The following WDR64 variants were observed in gnomAD, a reference collection of about 807,000 sequenced individuals.
The protein encoded by WDR64 is WD repeat domain 64.
A neutral mutation model predicts 139.3 loss-of-function variants in WDR64; 112 were observed. The observed-to-expected ratio is 0.80, with a 90% CI of 0.69 to 0.94. The LOEUF (loss-of-function observed/expected upper bound fraction) is 0.94. WDR64 is among the 40% of genes least tolerant of loss of function. WDR64 has a pLI of 0.00. For missense variants in WDR64, 1,206 were observed against 1,293.1 expected, an observed-to-expected ratio of 0.93 and a Z score of 1.03; for synonymous variants, 444 against 437.7, an observed-to-expected ratio of 1.01 and a Z score of -0.18.
intron 15 of WDR64, among the ~76,000 whole-genome samples, chr1:241,759,262 T>G (rs1372923697): frequency 6.6e-6 from 1 of 152,196 alleles, no homozygotes; most frequent in African/African-American, 2.4e-5. Flanking sequence ...GCATGTGGAA[T>G]GTACTGTCAA....
intron 23 of WDR64, among the ~76,000 whole-genome samples, chr1:241,783,953 T>A (rs1658942763): frequency 6.6e-6 from 1 of 152,200 alleles, no homozygotes; most frequent in Non-Finnish European, 1.5e-5. Flanking sequence ...TGTCTTAAAA[T>A]CATGGTAATG....
intron 1 of WDR64, 80 bp from the exon 2 acceptor site, chr1:241,660,450 A>G (rs533889708): frequency 1.2e-5 from 17 of 1,473,570 alleles, no homozygotes; most frequent in Non-Finnish European, 1.6e-5. Context: ...ATACAAGGTG[A>G]GGAAATAAAA....
intron 8 of WDR64, among the ~76,000 whole-genome samples, chr1:241,696,667 G>T (rs1667500782): frequency 6.6e-6 from 1 of 152,116 alleles, no homozygotes. Flanking sequence ...CATGGCACTG[G>T]TGGGAGTGTC....
chr1:241,662,477 G>A (rs549479271), intron 2 of WDR64, among the ~76,000 whole-genome samples: 193 of 152,284 alleles, frequency 1.3e-3, no homozygotes, highest in South Asian at 5.6e-3. Context: ...AGCCCCCACC[G>A]TGTGGCCCTC....
At chr1:241,661,846 T>A (rs1665844535) in intron 2 of WDR64, among the ~76,000 whole-genome samples, 1 of 152,212 alleles carries the variant, frequency 6.6e-6, no homozygotes, top group Admixed American at 6.5e-5. Flanking sequence ...GACAGCCACC[T>A]TTGTTGTGAA....
intron 15 of WDR64, among the ~76,000 whole-genome samples, chr1:241,765,753 A>AATATCTAACATAGTAG (rs769944240): frequency 7.9e-5 from 12 of 152,206 alleles, no homozygotes; most frequent in Non-Finnish European, 1.6e-4. Flanking sequence ...TTGTATTCCA[A>AATATCTAACATAGTAG]ATATCTAACA....
intron 10 of WDR64, among the ~76,000 whole-genome samples, chr1:241,730,190 T>C (rs1669023284): frequency 6.6e-6 from 1 of 152,204 alleles, no homozygotes; most frequent in African/African-American, 2.4e-5. Context: ...GCAGGTCTTG[T>C]TGCTTTTTCT....
chr1:241,787,225 A>G (rs1659069023), intron 23 of WDR64, among the ~76,000 whole-genome samples: 1 of 150,778 alleles, frequency 6.6e-6, no homozygotes, highest in Non-Finnish European at 1.5e-5. Flanking sequence ...GTAGCTGGGC[A>G]TGGTGGTGGA....
At position 241,738,466 on chromosome 1, in the gene WDR64, C is replaced by A. The variant is rs767935963; in HGVS notation, c.1298C>A (p.Ala433Asp). 1.2e-6 allele frequency: 2 copies of A among 1,612,156 alleles called. No individual in the cohort carries two copies. Among genetic ancestry groups the A allele is most frequent in the Non-Finnish European group, 1.7e-6 (2 of 1,179,272 alleles). ...DMQIYSMIYDANHGMLITGSS... is the reference protein window; with the variant it reads ...DMQIYSMIYDDNHGMLITGSS... ...CAGATTTACTCTATGATATATGATGCCAATCATGGCATGCTTATTACGGGT... is the reference window on the plus strand; with the variant it reads ...CAGATTTACTCTATGATATATGATGACAATCATGGCATGCTTATTACGGGT... The change falls in exon 11 of 28, where the codon GCC becomes GAC. Residue 433 changes from alanine to aspartate, a missense_variant. Transcript: ENST00000437684.
intron 15 of WDR64, among the ~76,000 whole-genome samples, chr1:241,761,112 G>A (rs541710683): frequency 6.6e-6 from 1 of 152,248 alleles, no homozygotes; most frequent in East Asian, 1.9e-4. Flanking sequence ...AGCCTTGCCA[G>A]CAGTGTATAT....
intron 16 of WDR64, among the ~76,000 whole-genome samples, chr1:241,767,114 T>G (rs2148293561): frequency 6.6e-6 from 1 of 152,250 alleles, no homozygotes; most frequent in South Asian, 2.1e-4. Flanking sequence ...CTCCCCTTCC[T>G]GTATCCCCAG....
chr1:241,776,589 T>C (rs967496788), intron 21 of WDR64, among the ~76,000 whole-genome samples: 1 of 152,208 alleles, frequency 6.6e-6, no homozygotes, highest in African/African-American at 2.4e-5. Context: ...GATATTCTTA[T>C]ACTTCTGATT....
intron 15 of WDR64, among the ~76,000 whole-genome samples, chr1:241,763,651 G>C (rs2148287911): frequency 6.6e-6 from 1 of 152,318 alleles, no homozygotes; most frequent in Middle Eastern, 3.4e-3. Flanking sequence ...GATGCAGTGA[G>C]CTGAGATCAT....
Position 241,660,611 on chromosome 1 carries a change from T to G in WDR64, c.227T>G (p.Phe76Cys). 6.4e-7 allele frequency: 1 copy of G among 1,551,724 alleles called. No homozygotes were observed. Among genetic ancestry groups the G allele is most frequent in the Non-Finnish European group, 8.7e-7 (1 of 1,146,880 alleles). The change falls in exon 2 of 28, where the codon TTT becomes TGT. Residue 76 changes from phenylalanine (F) to cysteine (C), a missense_variant. Coordinates refer to ENST00000437684, the MANE Select transcript of WDR64 (RefSeq NM_001367482.1). ...GTGAAGAATCAAGATGTGAAACGCT[T>G]TTACAGGAAACTGTGCAACAACACG... Reference protein sequence around the residue: ...PDVKNQDVKRFYRKLCNNTDA... With the variant: ...PDVKNQDVKRCYRKLCNNTDA...
Position 241,738,419 on chromosome 1 carries a change from C to A in WDR64, c.1251C>A (p.Ser417Arg). 2 of 1,613,654 alleles carry A rather than the reference C, an allele frequency of 1.2e-6. No individual in the cohort carries two copies. Among genetic ancestry groups the A allele is most frequent in the South Asian group, 1.1e-5 (1 of 90,972 alleles). ...TLSLLQVFHD[S>R]QGGPGDMQIY... ...CACTATTACAAGTCTTCCATGACAG[C>A]CAGGGAGGACCAGGAGACATGCAGA... The change falls in exon 11 of 28, where the codon AGC becomes AGA. Residue 417 changes from serine (S) to arginine (R), a missense_variant. Ser to Arg is a moderately radical substitution (Grantham distance 110, BLOSUM62 -1). Coordinates refer to ENST00000437684, the MANE Select transcript of WDR64 (RefSeq NM_001367482.1).
intron 17 of WDR64, 61 bp downstream of exon 17, chr1:241,769,566 G>T: frequency 7.2e-7 from 1 of 1,387,074 alleles, no homozygotes; most frequent in Non-Finnish European, 9.9e-7. Context: ...GATACATTAG[G>T]TTGATGCAAA....
chr1:241,670,689 C>T (rs1051162652), intron 2 of WDR64, among the ~76,000 whole-genome samples: 1 of 152,154 alleles, frequency 6.6e-6, no homozygotes. Context: ...GCCTGAGCTC[C>T]GCCTCCTCTC....
At chr1:241,721,899 G>A (rs563187606) in intron 9 of WDR64, among the ~76,000 whole-genome samples, 2 of 152,226 alleles carry the variant, frequency 1.3e-5, no homozygotes, top group Non-Finnish European at 2.9e-5. Flanking sequence ...TTTAAAATCA[G>A]CTCTCAGAAT....
intron 8 of WDR64, among the ~76,000 whole-genome samples, chr1:241,701,435 C>A (rs956481004): frequency 1.3e-5 from 2 of 152,150 alleles, no homozygotes; most frequent in Non-Finnish European, 1.5e-5. Flanking sequence ...CCATCGTGTT[C>A]CACAGGTTTG....
Sources: gnomAD v4.1 joint callset for allele counts (sites outside exome capture counted in the v4.1 genomes callset) on GRCh38, gnomAD v4.1.1 for gene constraint, MANE v1.5 for transcripts, NCBI Gene and HGNC (gene_info 2026-07-23, HGNC 2026-07-21) for gene names.